The following TMPRSS13 variants were observed in gnomAD, a reference collection of about 807,000 sequenced individuals.
TMPRSS13 encodes transmembrane serine protease 13, also known as transmembrane protease serine 13.
A neutral mutation model predicts 68.4 loss-of-function variants in TMPRSS13; 50 were observed. That is an observed-to-expected ratio of 0.73 (90% confidence interval 0.58 to 0.93). The LOEUF is 0.93. Among genes scored for constraint, TMPRSS13 ranks in the 40% least tolerant of loss-of-function variants. The probability of loss-of-function intolerance (pLI) is 0.00; values close to 1 mark genes in which losing one functional copy is unlikely to be tolerated. For synonymous variants in TMPRSS13, 267 were observed against 285.8 expected, an observed-to-expected ratio of 0.93 and a Z score of 0.66; for missense variants, 615 against 729.2, an observed-to-expected ratio of 0.84 and a Z score of 1.80.
intron 9 of TMPRSS13, chr11:117,908,135 A>G (rs1245534935): frequency 3.1e-6 from 3 of 954,534 alleles, no homozygotes; most frequent in East Asian, 5.3e-5. Flanking sequence ...CCTGGTTCCA[A>G]TCCCAGAGCT....
rs898634256 is a variant in TMPRSS13, at chr11:117,901,210, G to A, written c.*1029C>T. 2 of 152,618 alleles carry A rather than the reference G, an allele frequency of 1.3e-5. No homozygotes were observed. The highest frequency in any genetic ancestry group is 6.5e-5 in the Admixed American group (1 of 15,282). 9.5% of individuals were successfully genotyped at this position (152,618 alleles called of 1,614,324 possible). Reference sequence around the variant, plus strand: ...AGAGGCAGTCCACCTGGACCTCCCTGGGGCCCCTGGGAGCCTACGCGGGAA... The same window carrying A: ...AGAGGCAGTCCACCTGGACCTCCCTAGGGCCCCTGGGAGCCTACGCGGGAA... On this transcript the variant is annotated 3_prime_UTR_variant, in exon 13 of 13. Transcript: ENST00000524993.
At chr11:117,917,688 G>T (rs1395846121) in intron 2 of TMPRSS13, among the ~76,000 whole-genome samples, 1 of 152,172 alleles carries the variant, frequency 6.6e-6, no homozygotes, top group African/African-American at 2.4e-5. Flanking sequence ...CAGTGCAGTG[G>T]GTCTGATACC....
intron 1 of TMPRSS13, among the ~76,000 whole-genome samples, chr11:117,928,357 T>C (rs568719917): frequency 5.3e-5 from 8 of 152,086 alleles, no homozygotes; most frequent in African/African-American, 9.7e-5. Flanking sequence ...AAAAAAATGA[T>C]GGTAAAGTTT....
In TMPRSS13 at chr11:117,914,005, T is replaced by A; in HGVS notation, c.680-99A>T. The A allele has an allele frequency of 7.2e-7, 1 of 1,392,120 alleles. No homozygotes were observed. The highest frequency in any genetic ancestry group is 9.8e-7 in the Non-Finnish European group (1 of 1,016,472). The allele number at this position is 1,392,120 out of a possible 1,614,324, so 86.2% of individuals were successfully genotyped here. A position where few individuals can be genotyped will look rare whatever the true frequency, so the allele number is the denominator to read the frequency against. On this transcript the variant is annotated intron_variant, in intron 4 of 12. Coordinates refer to ENST00000524993, the MANE Select transcript of TMPRSS13 (RefSeq NM_001077263.3). This position sits in a 1 kb window ranked among gnomAD's most constrained non-coding sequence, Gnocchi z 4.2. ...TGAGGCTTTGAGAAAGCGCTTGTCC[T>A]GACAGCACTCCTTGCTGAGGCCTGG...
chr11:117,910,641 G>T, intron 7 of TMPRSS13, 66 bp downstream of exon 7: 1 of 1,499,446 alleles, frequency 6.7e-7, no homozygotes, highest in Non-Finnish European at 9.1e-7. Context: ...CCTTGGAGGA[G>T]TGCTGCCCCT....
chr11:117,903,852 C>T (rs1333026293), intron 11 of TMPRSS13, 45 bp from the exon 12 acceptor site: 1 of 1,601,312 alleles, frequency 6.2e-7, no homozygotes, highest in Non-Finnish European at 8.5e-7. Flanking sequence ...ACAGGTGGTC[C>T]ATGAGCGGGA....
chr11:117,921,902 A>G (rs1852230149), intron 1 of TMPRSS13, among the ~76,000 whole-genome samples: 1 of 152,128 alleles, frequency 6.6e-6, no homozygotes, highest in African/African-American at 2.4e-5. Context: ...AGACCAGAGG[A>G]GAGCAGCATC....
At chr11:117,913,756 T>C (rs199691008) in intron 5 of TMPRSS13, 21 bp downstream of exon 5, 22 of 1,612,708 alleles carry the variant, frequency 1.4e-5, no homozygotes, top group Non-Finnish European at 1.9e-5. Context: ...GCCTGGACTC[T>C]GGGGCCAGGT....
In TMPRSS13 at chr11:117,913,945, CTAGGAAG is replaced by C. The variant is rs772260930; in HGVS notation, c.680-46_680-40del. On this transcript the variant is annotated intron_variant, in intron 4 of 12. Transcript: ENST00000524993. ...AAAAGGCAGAGCAGGTCCTCAGCACCTAGGAAGCATCAAGCTCTTGGGGGATGAGCTG... is the reference window on the plus strand; with the variant it reads ...AAAAGGCAGAGCAGGTCCTCAGCACCCATCAAGCTCTTGGGGGATGAGCTG... 1.9e-6 allele frequency: 3 copies of C among 1,603,666 alleles called. No individual in the cohort carries two copies. The East Asian group carries it at 6.7e-5, about 36-fold the overall frequency.
At chr11:117,903,506 C>G in intron 12 of TMPRSS13, 149 bp downstream of exon 12, 1 of 1,547,228 alleles carries the variant, frequency 6.5e-7, no homozygotes, top group Non-Finnish European at 8.7e-7. Context: ...GGATTGACCC[C>G]AGGCATCACA....
At chr11:117,918,910 A>G (rs1374729239) in intron 1 of TMPRSS13, 72 bp from the exon 2 acceptor site, 1 of 1,583,494 alleles carries the variant, frequency 6.3e-7, no homozygotes, top group Admixed American at 1.7e-5. Context: ...GCTGTGCTGC[A>G]CTAGGAGATG....
chr11:117,905,132 A>T (rs4340086), intron 10 of TMPRSS13, among the ~76,000 whole-genome samples: 67,035 of 150,936 alleles, frequency 0.44, 15,330 homozygotes, highest in East Asian at 0.64. Flanking sequence ...TGGGCTCAAG[A>T]GATTCTCCCA....
rs115294907 is a variant in TMPRSS13 at position 117,914,084 on chromosome 11, C to T, written c.680-178G>A. Among the ~76,000 whole-genome samples the T allele has an allele frequency of 0.011, 1,640 of 152,182 alleles. 38 individuals carry two copies. Among genetic ancestry groups the T allele is most frequent in the African/African-American group, 0.037 (1,538 of 41,496 alleles). On this transcript the variant is annotated intron_variant, in intron 4 of 12. Coordinates refer to ENST00000524993, the MANE Select transcript of TMPRSS13 (RefSeq NM_001077263.3). The surrounding 1 kb of genome is among the most constrained non-coding windows in gnomAD (Gnocchi z 4.2). The stretch of plus-strand genomic sequence containing the variant: ...TGGGGGTTAACCAGTACTCAGAAGC[C>T]CAGGATGCCTAGCATGGACAGAGCC...
rs2057662312 is a variant in TMPRSS13 at position 117,922,905 on chromosome 11, C to G, written c.22-4067G>C. On this transcript the variant is annotated intron_variant, in intron 1 of 12. Transcript: ENST00000524993. This position sits in a 1 kb window ranked among gnomAD's most constrained non-coding sequence, Gnocchi z 4.2. ...ACATGGAACAGGCCCACACCCCAGG[C>G]TGTCACTGCTACCACCTGGCTATGC... Among the ~76,000 whole-genome samples the G allele has an allele frequency of 6.6e-6, 1 of 152,242 alleles. No individual in the cohort carries two copies. The highest frequency in any genetic ancestry group is 2.4e-5 in the African/African-American group (1 of 41,464).
Position 117,905,731 on chromosome 11 carries a change from T to C in TMPRSS13, c.1288A>G (p.Ile430Val). The C allele has an allele frequency of 6.3e-7, 1 of 1,596,990 alleles. No homozygotes were observed. Among genetic ancestry groups the C allele is most frequent in the Non-Finnish European group, 8.6e-7 (1 of 1,169,582 alleles). ...LSKPLTLSAH[I>V]HPACLPMHGQ... ...TGCATGGGGAGGCAAGCAGGGTGGA[T>C]GTGAGCTGCAACAAGACCTCCAGAC... Residue 430 changes from isoleucine (I) to valine (V), a missense_variant, in exon 10 of 13, where the codon ATC becomes GTC. Ile to Val is a conservative substitution (Grantham distance 29, BLOSUM62 3). Coordinates refer to ENST00000524993, the MANE Select transcript of TMPRSS13 (RefSeq NM_001077263.3).
chr11:117,921,061 T>A (rs2057641412), intron 1 of TMPRSS13, among the ~76,000 whole-genome samples: 1 of 152,132 alleles, frequency 6.6e-6, no homozygotes, highest in Non-Finnish European at 1.5e-5. Flanking sequence ...CATTCCAACC[T>A]CTTGACAGCT....
intron 6 of TMPRSS13, 106 bp downstream of exon 6, chr11:117,911,662 G>A: frequency 1.2e-6 from 1 of 819,116 alleles, no homozygotes; most frequent in Non-Finnish European, 2.0e-6. Context: ...ACTCCTGGAG[G>A]CTGGATACTA....
rs1380221179 is a variant in TMPRSS13, at chr11:117,918,540, GCGGATGATGACCTGC to G, written c.305_319del (p.Gly102_Ser106del). 6.2e-7 allele frequency: 1 copy of G among 1,614,096 alleles called. No homozygotes were observed. The highest frequency in any genetic ancestry group is 8.5e-7 in the Non-Finnish European group (1 of 1,180,050). ...GGAGGTTGTCACCGAGGCTGACCTG[GCGGATGATGACCTGC>G]CGGATGAGGACCTGGAAAGTGATGC... On this transcript the variant is annotated inframe_deletion, in exon 2 of 13. Coordinates refer to ENST00000524993, the MANE Select transcript of TMPRSS13 (RefSeq NM_001077263.3).
At chr11:117,917,968 C>G (rs899748778) in intron 2 of TMPRSS13, among the ~76,000 whole-genome samples, 11 of 152,152 alleles carry the variant, frequency 7.2e-5, no homozygotes, top group African/African-American at 2.7e-4. Flanking sequence ...GATGGACTTG[C>G]ACACCTGGTC....
Sources: allele counts gnomAD v4.1 joint callset (sites outside exome capture counted in the v4.1 genomes callset), GRCh38; gene constraint gnomAD v4.1.1; non-coding constraint Gnocchi (gnomAD v3.1); transcripts MANE v1.5; gene names NCBI Gene and HGNC (gene_info 2026-07-23, HGNC 2026-07-21).